Variants in SCN11A observed in about 807,000 individuals in gnomAD.
SCN11A encodes the protein sodium channel protein type 11 subunit alpha.
SCN11A carries 122 observed loss-of-function variants against 162.2 expected under a neutral mutation model. The ratio of observed to expected loss-of-function variants is 0.75; its 90% CI spans 0.65 to 0.87. The LOEUF (loss-of-function observed/expected upper bound fraction) is 0.87. SCN11A is among the 40% of genes least tolerant of loss of function. The pLI is 0.00. For synonymous variants in SCN11A, 758 were observed against 751.5 expected (o/e 1.01, Z -0.14); for missense variants, 2,015 against 2,181.6 (o/e 0.92, Z 1.52).
intron 28 of SCN11A, among the ~76,000 whole-genome samples, chr3:38,851,019 C>G (rs1310030851): frequency 6.6e-6 from 1 of 152,108 alleles, no homozygotes; most frequent in Non-Finnish European, 1.5e-5. Context: ...ATTAAAAAGT[C>G]TTAGTAACAA....
intron 1 of SCN11A, among the ~76,000 whole-genome samples, chr3:39,040,746 C>T (rs1227016057): frequency 2.0e-5 from 3 of 152,000 alleles, no homozygotes; most frequent in Non-Finnish European, 4.4e-5. Context: ...ATAAAAAATA[C>T]AATAGAGAGC....
chr3:39,014,198 G>C (rs938902281), intron 2 of SCN11A, among the ~76,000 whole-genome samples: 1 of 152,132 alleles, frequency 6.6e-6, no homozygotes, highest in African/African-American at 2.4e-5. Context: ...GAACATGCAA[G>C]TATTAAGAGG....
intron 11 of SCN11A, among the ~76,000 whole-genome samples, chr3:38,913,552 C>T (rs2065915486): frequency 6.6e-6 from 1 of 152,102 alleles, no homozygotes; most frequent in Admixed American, 6.6e-5. Flanking sequence ...TTGGCATCTT[C>T]ATCATGAAAT....
chr3:38,919,901 C>T, intron 11 of SCN11A, 34 bp downstream of exon 11: 2 of 1,534,174 alleles, frequency 1.3e-6, no homozygotes, highest in Non-Finnish European at 9.0e-7. Flanking sequence ...TAGAGGTACT[C>T]TTCTTGGGAG....
intron 5 of SCN11A, among the ~76,000 whole-genome samples, chr3:38,948,334 T>C (rs2066549185): frequency 6.6e-6 from 1 of 152,246 alleles, no homozygotes; most frequent in Admixed American, 6.5e-5. Context: ...CTCTTCTTAC[T>C]GCTTTAAATA....
chr3:38,863,799 A>G (rs559888458), intron 27 of SCN11A, among the ~76,000 whole-genome samples: 5 of 152,188 alleles, frequency 3.3e-5, no homozygotes, highest in Non-Finnish European at 7.4e-5. Context: ...GAAAGAATAG[A>G]AAAATGAACT....
chr3:38,937,989 A>G (rs1481868446), intron 7 of SCN11A, among the ~76,000 whole-genome samples: 3 of 152,222 alleles, frequency 2.0e-5, no homozygotes, highest in Non-Finnish European at 4.4e-5. Context: ...CCAAATGTCC[A>G]ACAATGATAG....
chr3:38,998,796 C>T (rs535836151), intron 2 of SCN11A, among the ~76,000 whole-genome samples: 10 of 151,088 alleles, frequency 6.6e-5, no homozygotes, highest in Admixed American at 2.0e-4. Flanking sequence ...TCTCAGCAAA[C>T]TATCACAAGG....
At chr3:39,002,502 C>T (rs2030845723) in intron 2 of SCN11A, among the ~76,000 whole-genome samples, 1 of 152,198 alleles carries the variant, frequency 6.6e-6, no homozygotes, top group African/African-American at 2.4e-5. Flanking sequence ...TGTATTTCTA[C>T]AAGTTTTGTA....
At chr3:38,919,225 T>A (rs2066008161) in intron 11 of SCN11A, among the ~76,000 whole-genome samples, 1 of 152,168 alleles carries the variant, frequency 6.6e-6, no homozygotes, top group Non-Finnish European at 1.5e-5. Context: ...AGACATCAAA[T>A]CCAAAAACGT....
At chr3:38,948,660 T>C (rs73828745) in intron 5 of SCN11A, among the ~76,000 whole-genome samples, 2,421 of 152,268 alleles carry the variant, frequency 0.016, 67 homozygotes, top group African/African-American at 0.056. Context: ...ACTGGTCATG[T>C]GAGATCATGG....
At chr3:39,004,179 T>C (rs1021708925) in intron 2 of SCN11A, among the ~76,000 whole-genome samples, 1 of 152,222 alleles carries the variant, frequency 6.6e-6, no homozygotes, top group Non-Finnish European at 1.5e-5. Flanking sequence ...CTTTAATCCA[T>C]CTTGAGTTGA....
chr3:38,990,045 C>G (rs927597459), intron 2 of SCN11A, among the ~76,000 whole-genome samples: 5 of 152,136 alleles, frequency 3.3e-5, no homozygotes, highest in African/African-American at 1.2e-4. Context: ...AATTGACTTC[C>G]AGGCATTAAA....
At chr3:38,879,365 G>A (rs1046830288) in intron 23 of SCN11A, among the ~76,000 whole-genome samples, 8 of 152,150 alleles carry the variant, frequency 5.3e-5, no homozygotes, top group African/African-American at 1.7e-4. Context: ...AGCTAGACAC[G>A]TGAATCCCAA....
intron 16 of SCN11A, among the ~76,000 whole-genome samples, chr3:38,900,881 AGAAATAT>A (rs1438644209): frequency 3.3e-5 from 5 of 152,236 alleles, no homozygotes; most frequent in Non-Finnish European, 7.3e-5. Flanking sequence ...TACAAGCTTA[AGAAATAT>A]GTAAAAATGT....
At chr3:38,996,041 A>G (rs754948879) in intron 2 of SCN11A, among the ~76,000 whole-genome samples, 13 of 152,282 alleles carry the variant, frequency 8.5e-5, no homozygotes, top group South Asian at 4.1e-4. Flanking sequence ...TCTGTCTACT[A>G]TGTGAGAACA....
chr3:38,992,361 A>G (rs1482491689), intron 2 of SCN11A, among the ~76,000 whole-genome samples: 1 of 152,190 alleles, frequency 6.6e-6, no homozygotes, highest in Non-Finnish European at 1.5e-5. Context: ...CTCCTCAAGA[A>G]TGGTCTGTGC....
intron 16 of SCN11A, among the ~76,000 whole-genome samples, chr3:38,902,892 A>G (rs1198672695): frequency 6.6e-6 from 1 of 152,180 alleles, no homozygotes. Context: ...AAAATGCCAA[A>G]AAAGGAGAAA....
chr3:39,001,237 C>T (rs2030802587), intron 2 of SCN11A, among the ~76,000 whole-genome samples: 1 of 152,138 alleles, frequency 6.6e-6, no homozygotes, highest in Non-Finnish European at 1.5e-5. Flanking sequence ...AGAACATTTT[C>T]ATCACCCCTC....
Sources: allele counts gnomAD v4.1 joint callset (sites outside exome capture counted in the v4.1 genomes callset), GRCh38; gene constraint gnomAD v4.1.1; transcripts MANE v1.5; gene names NCBI Gene and HGNC (gene_info 2026-07-23, HGNC 2026-07-21).